The following ADGRL3 variants were observed in gnomAD, a reference collection of about 807,000 sequenced individuals.
ADGRL3 encodes the protein calcium-independent alpha-latrotoxin receptor 3.
A neutral mutation model predicts 153.5 loss-of-function variants in ADGRL3; 62 were observed. That is an observed-to-expected ratio of 0.40 (90% confidence interval 0.33 to 0.50). The LOEUF is 0.50. Ranked by LOEUF, ADGRL3 falls within the 20% of genes least tolerant of loss-of-function variation. The probability of loss-of-function intolerance (pLI) is 0.47; values close to 1 mark genes in which losing one functional copy is unlikely to be tolerated. For missense variants in ADGRL3, 1,641 were observed against 1,859.4 expected, an observed-to-expected ratio of 0.88 and a Z score of 2.16; for synonymous variants, 710 against 672.5, an observed-to-expected ratio of 1.06 and a Z score of -0.86.
intron 3 of ADGRL3, among the ~76,000 whole-genome samples, chr4:61,503,628 G>A (rs1295851723): frequency 6.6e-6 from 1 of 151,854 alleles, no homozygotes; most frequent in Non-Finnish European, 1.5e-5. Context: ...ATCATTAGAA[G>A]ACATTTAGTT....
intron 13 of ADGRL3, 33 bp from the exon 14 acceptor site, chr4:61,934,807 G>C (rs968947159): frequency 1.9e-6 from 3 of 1,575,772 alleles, no homozygotes; most frequent in African/African-American, 2.7e-5. Flanking sequence ...GGGTTCACTA[G>C]AGACCTCTGT....
intron 1 of ADGRL3, among the ~76,000 whole-genome samples, chr4:61,269,671 C>T (rs2093048330): frequency 6.6e-6 from 1 of 151,706 alleles, no homozygotes; most frequent in South Asian, 2.1e-4. Flanking sequence ...GCAGAATAAG[C>T]TGTCACATTC....
intron 8 of ADGRL3, among the ~76,000 whole-genome samples, chr4:61,744,716 C>T (rs1156247518): frequency 1.3e-5 from 2 of 152,100 alleles, no homozygotes; most frequent in African/African-American, 4.8e-5. Flanking sequence ...ACCATCTGTA[C>T]ATCACCATCA....
At chr4:61,774,129 A>G (rs1441135130) in intron 8 of ADGRL3, among the ~76,000 whole-genome samples, 2 of 151,998 alleles carry the variant, frequency 1.3e-5, no homozygotes, top group Non-Finnish European at 2.9e-5. Context: ...CTGAGGCAGG[A>G]GGATCACCTA....
intron 1 of ADGRL3, among the ~76,000 whole-genome samples, chr4:61,316,758 A>G (rs2095227226): frequency 6.6e-6 from 1 of 152,222 alleles, no homozygotes; most frequent in African/African-American, 2.4e-5. Context: ...ATTAAGTTCT[A>G]TGCCATTTTC....
At chr4:61,497,521 T>C (rs1241399704) in intron 3 of ADGRL3, among the ~76,000 whole-genome samples, 173 bp downstream of exon 3, 1,657 of 146,036 alleles carry the variant, frequency 0.011, 30 homozygotes, top group African/African-American at 0.039. Context: ...TTTTCTTTTT[T>C]TTTTTTTTTT....
intron 5 of ADGRL3, among the ~76,000 whole-genome samples, chr4:61,671,979 A>T (rs891176338): frequency 2.0e-5 from 3 of 152,056 alleles, no homozygotes; most frequent in African/African-American, 7.2e-5. Context: ...AATAGGTTTA[A>T]AAGTATTTTC....
intron 25 of ADGRL3, among the ~76,000 whole-genome samples, chr4:62,049,379 G>C (rs1732913215): frequency 6.6e-6 from 1 of 152,052 alleles, no homozygotes; most frequent in South Asian, 2.1e-4. Context: ...TCCCACACAA[G>C]TTAATTTGAT....
At chr4:62,041,015 T>C (rs1286891618) in intron 24 of ADGRL3, among the ~76,000 whole-genome samples, 1 of 149,480 alleles carries the variant, frequency 6.7e-6, no homozygotes, top group East Asian at 2.0e-4. Context: ...GAGAATGAGA[T>C]AGAAAGTCAA....
At chr4:61,658,344 T>C (rs2094498104) in intron 5 of ADGRL3, among the ~76,000 whole-genome samples, 1 of 152,174 alleles carries the variant, frequency 6.6e-6, no homozygotes, top group African/African-American at 2.4e-5. Flanking sequence ...GACTGTATTG[T>C]TCCTTGCTTA....
intron 9 of ADGRL3, among the ~76,000 whole-genome samples, chr4:61,864,309 C>G (rs983157589): frequency 6.6e-6 from 1 of 152,126 alleles, no homozygotes; most frequent in Non-Finnish European, 1.5e-5. Flanking sequence ...AATAACTTCT[C>G]TAAGTCAATA....
intron 2 of ADGRL3, among the ~76,000 whole-genome samples, chr4:61,431,089 T>C (rs1560620253): frequency 6.6e-6 from 1 of 152,206 alleles, no homozygotes; most frequent in African/African-American, 2.4e-5. Context: ...CTTCCTTTAA[T>C]TTTAAATTTC....
At chr4:61,318,718 G>A (rs2150707545) in intron 1 of ADGRL3, among the ~76,000 whole-genome samples, 1 of 152,212 alleles carries the variant, frequency 6.6e-6, no homozygotes, top group East Asian at 1.9e-4. Flanking sequence ...CACCACCCTA[G>A]TACACTACAA....
rs541105735 is a variant in ADGRL3 at position 61,503,309 on chromosome 4, A to G, written c.55+5961A>G. On this transcript the variant is annotated intron_variant, in intron 3 of 26. Coordinates refer to ENST00000683033, the MANE Select transcript of ADGRL3 (RefSeq NM_001387552.1). ...GATGTGTACATATTTGGAGTAAAAT[A>G]GCATTTTTCTATATTGAAATTTTGT... 2.8e-4 allele frequency among the ~76,000 whole-genome samples: 43 copies of G among 152,286 alleles called. No individual in the cohort carries two copies. In the Middle Eastern group the frequency reaches 0.01, roughly 36 times the overall value.
chr4:61,724,602 T>C (rs1343150702), intron 6 of ADGRL3, among the ~76,000 whole-genome samples: 4 of 152,324 alleles, frequency 2.6e-5, no homozygotes, highest in African/African-American at 9.6e-5. Flanking sequence ...GCAGCACTTT[T>C]ATTCAGTGAT....
At chr4:62,016,663 T>C (rs1046090481) in intron 21 of ADGRL3, among the ~76,000 whole-genome samples, 1 of 152,200 alleles carries the variant, frequency 6.6e-6, no homozygotes, top group Admixed American at 6.5e-5. Flanking sequence ...CTGTTTTAGC[T>C]ACTCAGGAAT....
At chr4:61,614,855 C>A (rs988649249) in intron 5 of ADGRL3, among the ~76,000 whole-genome samples, 3 of 152,062 alleles carry the variant, frequency 2.0e-5, no homozygotes, top group Admixed American at 2.0e-4. Context: ...TTTGTCTCAT[C>A]CAACTAGAAT....
intron 8 of ADGRL3, among the ~76,000 whole-genome samples, chr4:61,760,881 C>G (rs1034627818): frequency 6.6e-6 from 1 of 152,116 alleles, no homozygotes; most frequent in East Asian, 1.9e-4. Context: ...TGTGGGAGAC[C>G]AGAGTTTTAT....
intron 5 of ADGRL3, among the ~76,000 whole-genome samples, chr4:61,588,699 A>G (rs940813373): frequency 3.3e-5 from 5 of 151,982 alleles, no homozygotes; most frequent in Non-Finnish European, 7.4e-5. Flanking sequence ...TGTCTCTATT[A>G]TCGTTACGTA....
Sources: gnomAD v4.1 joint callset for allele counts (sites outside exome capture counted in the v4.1 genomes callset) on GRCh38, gnomAD v4.1.1 for gene constraint, MANE v1.5 for transcripts, NCBI Gene and HGNC (gene_info 2026-07-23, HGNC 2026-07-21) for gene names.